NUCB2: variants seen among roughly 807,000 people sequenced by gnomAD.
NUCB2 encodes the protein nucleobindin-2.
NUCB2 carries 48 observed loss-of-function variants against 57.9 expected under a neutral mutation model. That is an observed-to-expected ratio of 0.83 (90% CI 0.66 to 1.05). The LOEUF (loss-of-function observed/expected upper bound fraction) is 1.05. NUCB2 is among the 50% of genes least tolerant of loss of function. The pLI is 0.00. For synonymous variants in NUCB2, 139 were observed against 152.1 expected, an observed-to-expected ratio of 0.91 and a Z score of 0.64; for missense variants, 442 against 476.2, an observed-to-expected ratio of 0.93 and a Z score of 0.67.
intron 10 of NUCB2, 28 bp downstream of exon 10, chr11:17,312,148 G>C: frequency 9.5e-7 from 1 of 1,051,076 alleles, no homozygotes; most frequent in Non-Finnish European, 1.4e-6. Flanking sequence ...AAGATAATAT[G>C]TTATTTCTAT....
At chr11:17,342,395 T>G (rs1189507040) in intron 2 of NUCB2, among the ~76,000 whole-genome samples, 2 of 152,168 alleles carry the variant, frequency 1.3e-5, no homozygotes, top group East Asian at 3.8e-4. Context: ...GTTCTTTTAA[T>G]TGTGATGTTA....
chr11:17,288,509 C>T (rs1227738311), intron 2 of NUCB2, among the ~76,000 whole-genome samples: 1 of 148,160 alleles, frequency 6.7e-6, no homozygotes, highest in Admixed American at 6.8e-5. Flanking sequence ...AATCTTAAAG[C>T]CTATTTATTT....
chr11:17,288,942 CACACACACATATAT>C lies in NUCB2; in HGVS notation c.-1+6001_-1+6014del, dbSNP rs1565377141. Reference sequence around the variant, plus strand: ...ACACACACACACACACACACACACACACACACACATATATATATATATTTTTTTTTTTTGAGATG... The same window carrying C: ...ACACACACACACACACACACACACACATATATATTTTTTTTTTTTGAGATG... On this transcript the variant is annotated intron_variant, in intron 2 of 13. Transcript: ENST00000529010. Among the ~76,000 whole-genome samples, 14 of 76,816 alleles carry C rather than the reference CACACACACATATAT, an allele frequency of 1.8e-4. 1 individual carries two copies. The highest frequency in any genetic ancestry group is 5.0e-4 in the South Asian group (1 of 2,018). 50.4% of individuals were successfully genotyped at this position (76,816 alleles called of 152,430 possible).
chr11:17,290,097 G>A (rs933316681), intron 2 of NUCB2, among the ~76,000 whole-genome samples: 1 of 152,142 alleles, frequency 6.6e-6, no homozygotes, highest in Admixed American at 6.6e-5. Context: ...TCTACTTGCA[G>A]GTATCTTCCT....
chr11:17,316,034 G>A (rs552162473), intron 11 of NUCB2, among the ~76,000 whole-genome samples: 171 of 151,964 alleles, frequency 1.1e-3, no homozygotes, highest in African/African-American at 3.9e-3. Context: ...GTGCAGTAGC[G>A]CGACCTTGGC....
intron 2 of NUCB2, among the ~76,000 whole-genome samples, chr11:17,289,033 T>C (rs544221892): frequency 4.7e-4 from 70 of 149,348 alleles, no homozygotes; most frequent in African/African-American, 1.7e-3. Flanking sequence ...TCTCGCTCAC[T>C]GCAACCTTTG....
In NUCB2 at chr11:17,330,209, A is replaced by G. The variant is rs1188791405; in HGVS notation, c.1085A>G (p.Lys362Arg). ...NIIALQENEL[K>R]KKADELQKQK... ...ATTGCTTTACAAGAAAATGAACTTA[A>G]GAAGAAGGCAGATGAGCTTCAGAAA... Residue 362 changes from lysine (K) to arginine (R), a missense_variant, in exon 12 of 14, where the codon AAG becomes AGG. Physicochemically the swap from Lys to Arg is conservative, Grantham distance 26 (BLOSUM62 2). Coordinates refer to ENST00000529010, the MANE Select transcript of NUCB2 (RefSeq NM_005013.4). The surrounding 1 kb of genome is among the most constrained non-coding windows in gnomAD (Gnocchi z 4.3). 7 of 1,609,046 alleles carry G rather than the reference A, an allele frequency of 4.4e-6. No homozygotes were observed. Among genetic ancestry groups the G allele is most frequent in the Non-Finnish European group, 6.0e-6 (7 of 1,176,392 alleles).
In NUCB2 at chr11:17,309,666, A is replaced by C. The variant is rs1948192800; in HGVS notation, c.474A>C (p.Leu158=). ...TTGAATCCACAGATTTAGATATGCTAATCAAAGCGGTGAGAATAATTCCAA... is the reference window on the plus strand; with the variant it reads ...TTGAATCCACAGATTTAGATATGCTCATCAAAGCGGTGAGAATAATTCCAA... ...DKFESTDLDM[L]IKAATSDLEH... is the part of the protein sequence containing the mutation. Residue 158 remains leucine (L), a synonymous_variant, in exon 6 of 14, where the codon CTA becomes CTC. Coordinates refer to ENST00000529010, the MANE Select transcript of NUCB2 (RefSeq NM_005013.4). 6.3e-7 allele frequency: 1 copy of C among 1,588,202 alleles called. No homozygotes were observed. Among genetic ancestry groups the C allele is most frequent in the Non-Finnish European group, 8.5e-7 (1 of 1,170,496 alleles).
At chr11:17,319,935 T>C (rs970541909) in intron 11 of NUCB2, among the ~76,000 whole-genome samples, 1 of 152,208 alleles carries the variant, frequency 6.6e-6, no homozygotes, top group Admixed American at 6.5e-5. Context: ...TTCCTCACTA[T>C]GTGTCCATGT....
At chr11:17,302,951 G>T (rs1946999964) in intron 5 of NUCB2, among the ~76,000 whole-genome samples, 1 of 152,068 alleles carries the variant, frequency 6.6e-6, no homozygotes, top group South Asian at 2.1e-4. Flanking sequence ...TGTTAGCCAG[G>T]ATGGTCTCAG....
chr11:17,279,146 C>T (rs1258778637), intron 1 of NUCB2, among the ~76,000 whole-genome samples: 6 of 152,090 alleles, frequency 3.9e-5, no homozygotes, highest in South Asian at 2.1e-4. Context: ...GAGCCGAGAT[C>T]GCGCTATTGC....
chr11:17,306,803 T>C (rs1383577167), intron 5 of NUCB2, among the ~76,000 whole-genome samples: 1 of 151,894 alleles, frequency 6.6e-6, no homozygotes, highest in Non-Finnish European at 1.5e-5. Context: ...TGCTAGCTAC[T>C]TGGGAGGCTG....
At chr11:17,346,872 G>C (rs1296648143) in intron 2 of NUCB2, among the ~76,000 whole-genome samples, 1 of 152,020 alleles carries the variant, frequency 6.6e-6, no homozygotes, top group East Asian at 1.9e-4. Context: ...ATCACACATT[G>C]CATTTAGTTT....
intron 10 of NUCB2, among the ~76,000 whole-genome samples, chr11:17,313,153 T>C (rs554598678): frequency 6.6e-6 from 1 of 152,160 alleles, no homozygotes; most frequent in East Asian, 1.9e-4. Context: ...TTATACTAGA[T>C]GCCTTTAGTA....
downstream of NUCB2, chr11:17,333,143 T>G (rs962991349): frequency 1.3e-5 from 2 of 152,254 alleles, no homozygotes; most frequent in Non-Finnish European, 2.9e-5. Flanking sequence ...TATTCCTTGG[T>G]TTGCCTATCA....
chr11:17,306,693 G>C (rs924115566), intron 5 of NUCB2, among the ~76,000 whole-genome samples: 4 of 152,172 alleles, frequency 2.6e-5, no homozygotes, highest in African/African-American at 9.7e-5. Context: ...GAGGTGGGTG[G>C]ATCACCTGAG....
At position 17,310,859 on chromosome 11, in the gene NUCB2, G is replaced by A. The variant is rs377718768; in HGVS notation, c.518G>A (p.Arg173His). 61 of 1,591,118 alleles carry A rather than the reference G, an allele frequency of 3.8e-5. No individual in the cohort carries two copies. The East Asian group carries it at 7.9e-4, about 21-fold the overall frequency. Residue 173 changes from arginine to histidine, a missense_variant, in exon 7 of 14, where the codon CGT becomes CAT. By Grantham distance (29) the Arg-to-His change is conservative. Coordinates refer to ENST00000529010, the MANE Select transcript of NUCB2 (RefSeq NM_005013.4). ...GATCTGGAACACTATGACAAGACTC[G>A]TCATGAAGAATTTAAAAAATATGAA... ...TSDLEHYDKTRHEEFKKYEMM... is the reference protein window; with the variant it reads ...TSDLEHYDKTHHEEFKKYEMM...
chr11:17,335,468 A>T (rs979057352), downstream of NUCB2, among the ~76,000 whole-genome samples: 13 of 152,210 alleles, frequency 8.5e-5, no homozygotes, highest in Non-Finnish European at 1.6e-4. Context: ...AAGGAATTGT[A>T]ATTTTTTGAG....
downstream of NUCB2, chr11:17,333,154 G>A (rs1393823230): frequency 6.6e-6 from 1 of 152,168 alleles, no homozygotes; most frequent in African/African-American, 2.4e-5. Flanking sequence ...TTGCCTATCA[G>A]GCAACCCCTG....
Sources: gnomAD v4.1 joint callset for allele counts (sites outside exome capture counted in the v4.1 genomes callset) on GRCh38, gnomAD v4.1.1 for gene constraint, Gnocchi (gnomAD v3.1) non-coding constraint, MANE v1.5 for transcripts, NCBI Gene and HGNC (gene_info 2026-07-23, HGNC 2026-07-21) for gene names.